The following CCDC81 variants were observed in gnomAD, a reference collection of about 807,000 sequenced individuals.
CCDC81 encodes coiled-coil domain-containing protein 81.
In CCDC81, 79 loss-of-function variants were observed where a neutral mutation model predicts 83.7. The observed-to-expected ratio is 0.94, with a 90% CI of 0.79 to 1.14. The LOEUF (loss-of-function observed/expected upper bound fraction) is 1.14, where lower values mean the gene tolerates loss of function less well. Ranked by LOEUF, CCDC81 falls within the 50% of genes most tolerant of loss-of-function variation. The probability of loss-of-function intolerance (pLI) is 0.00; values close to 1 mark genes in which losing one functional copy is unlikely to be tolerated. For synonymous variants in CCDC81, 252 were observed against 278.1 expected (o/e 0.91, Z 0.93); for missense variants, 791 against 778.1 (o/e 1.02, Z -0.20).
intron 7 of CCDC81, among the ~76,000 whole-genome samples, chr11:86,402,708 T>C (rs2138523641): frequency 6.6e-6 from 1 of 152,348 alleles, no homozygotes. Context: ...TGTAGCAAAT[T>C]ATCCTCTCAG....
chr11:86,382,926 C>T (rs1039877352), intron 1 of CCDC81, among the ~76,000 whole-genome samples: 3 of 152,254 alleles, frequency 2.0e-5, no homozygotes, highest in Non-Finnish European at 4.4e-5. Flanking sequence ...AATGTATTGA[C>T]AAAGAGACCA....
intron 7 of CCDC81, among the ~76,000 whole-genome samples, chr11:86,402,271 T>C (rs78902964): frequency 0.01 from 1,524 of 151,860 alleles, 31 homozygotes; most frequent in African/African-American, 0.035. Context: ...TCCCTCTACA[T>C]AGAGGAAACT....
intron 4 of CCDC81, among the ~76,000 whole-genome samples, chr11:86,393,996 A>G (rs1948369626): frequency 6.6e-6 from 1 of 152,236 alleles, no homozygotes; most frequent in Admixed American, 6.5e-5. Flanking sequence ...GAAGTTGTGC[A>G]TAATGAAACT....
chr11:86,408,635 G>A (rs1208607693), intron 9 of CCDC81, among the ~76,000 whole-genome samples: 1 of 152,124 alleles, frequency 6.6e-6, no homozygotes, highest in African/African-American at 2.4e-5. Flanking sequence ...ATTACCCACT[G>A]AGCCCAGCCT....
chr11:86,386,744 C>T (rs1313081238), intron 2 of CCDC81, among the ~76,000 whole-genome samples: 1 of 152,206 alleles, frequency 6.6e-6, no homozygotes, highest in Non-Finnish European at 1.5e-5. Flanking sequence ...GTTATCAGCA[C>T]TTAAACTTGG....
chr11:86,407,803 G>GGCTCAAGT (rs1593933205), intron 8 of CCDC81, 102 bp downstream of exon 8: 2 of 875,606 alleles, frequency 2.3e-6, no homozygotes, highest in East Asian at 5.3e-5. Context: ...ATATGAGTAT[G>GGCTCAAGT]GCTCAAGTAC....
chr11:86,406,179 C>T (rs1233858240), intron 7 of CCDC81, among the ~76,000 whole-genome samples: 1 of 152,162 alleles, frequency 6.6e-6, no homozygotes, highest in African/African-American at 2.4e-5. Flanking sequence ...TAAAATGATT[C>T]TTACTGTGTT....
At chr11:86,388,705 T>C (rs933514995) in intron 3 of CCDC81, among the ~76,000 whole-genome samples, 10 of 152,200 alleles carry the variant, frequency 6.6e-5, no homozygotes, top group Non-Finnish European at 1.3e-4. Flanking sequence ...ACCTAGAATT[T>C]TTTTTTCTTT....
chr11:86,417,787 G>A (rs561115623), intron 13 of CCDC81, among the ~76,000 whole-genome samples: 66 of 149,846 alleles, frequency 4.4e-4, no homozygotes, highest in African/African-American at 1.3e-3. Flanking sequence ...TCACTCTGTC[G>A]CCCAGGCTGG....
chr11:86,410,162 T>C (rs1948622420), intron 10 of CCDC81, among the ~76,000 whole-genome samples: 1 of 152,248 alleles, frequency 6.6e-6, no homozygotes, highest in South Asian at 2.1e-4. Context: ...CTTGTTTTAA[T>C]GTTTTCAATC....
Position 86,386,081 on chromosome 11 carries a change from A to C in CCDC81, c.110A>C (p.Glu37Ala). The C allele has an allele frequency of 6.6e-7, 1 of 1,516,762 alleles. No individual in the cohort carries two copies. The highest frequency in any genetic ancestry group is 8.9e-7 in the Non-Finnish European group (1 of 1,118,744). The allele number at this position is 1,516,762 out of a possible 1,614,324, so 94.0% of individuals were successfully genotyped here. The change falls in exon 2 of 15, where the codon GAA becomes GCA. Residue 37 changes from glutamate (E) to alanine (A), a missense_variant. Glu to Ala is a moderately radical substitution (Grantham distance 107). Coordinates refer to ENST00000445632, the MANE Select transcript of CCDC81 (RefSeq NM_001156474.2). ...EVSIIWGNVS[E>A]FVRRQLTLHK... ...TCTATTATCTGGGGGAATGTATCAG[A>C]ATTTGTGAGACGGCAGTTAACCCTG...
rs758057509 is a variant in CCDC81 at position 86,412,540 on chromosome 11, C to A, written c.1372C>A (p.Gln458Lys). 6.8e-6 allele frequency: 11 copies of A among 1,609,810 alleles called. No homozygotes were observed. In the Admixed American group the frequency reaches 1.9e-4, roughly 27 times the overall value. ...CAGAGAGTTGATGGACCGCCTGGAA[C>A]AAGTGCAACTCACAGAGGAGTGAGT... is the stretch of plus-strand genomic sequence containing the variant. The part of the protein sequence containing the change: ...QYRELMDRLE[Q>K]VQLTEELAAQ... Residue 458 changes from glutamine (Q) to lysine (K), a missense_variant, in exon 11 of 15, where the codon CAA (glutamine) becomes AAA (lysine). Coordinates refer to ENST00000445632, the MANE Select transcript of CCDC81 (RefSeq NM_001156474.2).
rs1948705683 is a variant in CCDC81, at chr11:86,415,432, G to T, written c.1691+119G>T. The T allele has an allele frequency of 4.0e-6, 3 of 745,072 alleles. No individual in the cohort carries two copies. The Admixed American group carries it at 7.6e-5, about 19-fold the overall frequency. The allele number at this position is 745,072 out of a possible 1,614,324, so 46.2% of individuals were successfully genotyped here. ...TTCTCATACAATAGTGGAGAAATAA[G>T]AATAATAGCTAACACACTGAGGAGT... On this transcript the variant is annotated intron_variant, in intron 13 of 14. Transcript: ENST00000445632.
chr11:86,418,791 G>A (rs766281181), intron 13 of CCDC81, among the ~76,000 whole-genome samples: 2 of 152,172 alleles, frequency 1.3e-5, no homozygotes, highest in East Asian at 3.9e-4. Context: ...GAGATTGGGT[G>A]CATAACATGA....
rs565577149 is a variant in CCDC81 at position 86,395,558 on chromosome 11, C to T, written c.635+145C>T. 12 of 634,406 alleles carry T rather than the reference C, an allele frequency of 1.9e-5. No homozygotes were observed. In the African/African-American group the frequency reaches 2.0e-4, roughly 11 times the overall value. 39.3% of individuals were successfully genotyped at this position (634,406 alleles called of 1,614,324 possible). ...GTCTCTCCCTCTCTAAATCCACCAACAAAGAAGAGTTTATTGCATACACTT... is the reference window on the plus strand; with the variant it reads ...GTCTCTCCCTCTCTAAATCCACCAATAAAGAAGAGTTTATTGCATACACTT... On this transcript the variant is annotated intron_variant, in intron 5 of 14. Coordinates refer to ENST00000445632, the MANE Select transcript of CCDC81 (RefSeq NM_001156474.2).
chr11:86,400,952 G>GA, intron 7 of CCDC81, 151 bp downstream of exon 7: 7 of 797,830 alleles, frequency 8.8e-6, no homozygotes, highest in Non-Finnish European at 1.3e-5. Context: ...TAATAAAGGT[G>GA]ACCAAGGTTC....
chr11:86,405,908 G>A (rs1215374065), intron 7 of CCDC81, among the ~76,000 whole-genome samples: 3 of 151,566 alleles, frequency 2.0e-5, no homozygotes, highest in Admixed American at 1.3e-4. Flanking sequence ...GATTACAGGC[G>A]CACACCATCA....
At chr11:86,417,487 A>C (rs1337890369) in intron 13 of CCDC81, among the ~76,000 whole-genome samples, 3 of 151,982 alleles carry the variant, frequency 2.0e-5, no homozygotes, top group Non-Finnish European at 4.4e-5. Context: ...CTGCAAACTA[A>C]TCTTTCTTTA....
In CCDC81 at chr11:86,420,049, G is replaced by T. The variant is rs1948770069; in HGVS notation, c.1813G>T (p.Glu605Ter). ...KQRDLEDKAF[E>*]RASDKLFLLD... Reference sequence around the variant, plus strand: ...GCGAGACCTGGAGGACAAGGCTTTTGAACGGTAATGCCTGATTGGAACCCC... The same window carrying T: ...GCGAGACCTGGAGGACAAGGCTTTTTAACGGTAATGCCTGATTGGAACCCC... The change falls in exon 14 of 15, where the codon GAA becomes TAA. Residue 605 changes from glutamate to a stop codon, truncating the protein, a stop_gained. Transcript: ENST00000445632. LOFTEE classifies it high-confidence loss of function. 1 of 1,612,854 alleles carries T rather than the reference G, an allele frequency of 6.2e-7. No individual in the cohort carries two copies. The highest frequency in any genetic ancestry group is 1.7e-5 in the Admixed American group (1 of 59,670).
Sources: gnomAD v4.1 joint callset for allele counts (sites outside exome capture counted in the v4.1 genomes callset) on GRCh38, gnomAD v4.1.1 for gene constraint, MANE v1.5 for transcripts, NCBI Gene and HGNC (gene_info 2026-07-23, HGNC 2026-07-21) for gene names.